Variants in FSTL5 observed in about 807,000 individuals in gnomAD.
FSTL5 encodes the protein follistatin like 5.
Under a neutral mutation model 89.1 loss-of-function variants are expected in FSTL5, and 62 were observed. The ratio of observed to expected loss-of-function variants is 0.70; its 90% confidence interval spans 0.57 to 0.86. The LOEUF is 0.86. Ranked by LOEUF, FSTL5 falls within the 40% of genes least tolerant of loss-of-function variation. FSTL5 has a pLI of 0.00. For synonymous variants in FSTL5, 383 were observed against 346.2 expected, an observed-to-expected ratio of 1.11 and a Z score of -1.18; for missense variants, 1,057 against 1,001.6, an observed-to-expected ratio of 1.06 and a Z score of -0.75.
intron 2 of FSTL5, among the ~76,000 whole-genome samples, chr4:162,075,065 C>T (rs1295614396): frequency 6.6e-6 from 1 of 151,740 alleles, no homozygotes; most frequent in African/African-American, 2.4e-5. Flanking sequence ...TATGCAGTAT[C>T]TGTGCCATAG....
At chr4:162,025,808 C>T (rs990848532) in intron 3 of FSTL5, among the ~76,000 whole-genome samples, 11 of 151,152 alleles carry the variant, frequency 7.3e-5, no homozygotes, top group Admixed American at 1.3e-4. Context: ...CAAAAAAATC[C>T]GTCTATCTAC....
intron 3 of FSTL5, among the ~76,000 whole-genome samples, chr4:161,924,295 A>C (rs1316849974): frequency 6.6e-6 from 1 of 151,244 alleles, no homozygotes; most frequent in African/African-American, 2.4e-5. Flanking sequence ...ATAAAGCAAA[A>C]TCATTCCCTA....
At chr4:162,049,407 C>T (rs1738308582) in intron 2 of FSTL5, among the ~76,000 whole-genome samples, 1 of 152,158 alleles carries the variant, frequency 6.6e-6, no homozygotes, top group Non-Finnish European at 1.5e-5. Context: ...TACTTGCTCA[C>T]GTATTCTTCC....
intron 2 of FSTL5, among the ~76,000 whole-genome samples, chr4:162,057,897 T>A (rs1009832770): frequency 5.9e-4 from 90 of 152,190 alleles, no homozygotes; most frequent in African/African-American, 2.1e-3. Context: ...TGAGCCGAGA[T>A]CACATCATTG....
At chr4:161,396,178 C>T (rs552440190) in intron 15 of FSTL5, among the ~76,000 whole-genome samples, 36 of 151,356 alleles carry the variant, frequency 2.4e-4, no homozygotes, top group Non-Finnish European at 4.4e-4. Flanking sequence ...TAGCTGAGCT[C>T]AGCCATCAAC....
chr4:161,455,810 T>G (rs954284575), intron 14 of FSTL5, among the ~76,000 whole-genome samples: 2 of 152,180 alleles, frequency 1.3e-5, no homozygotes, highest in Non-Finnish European at 2.9e-5. Context: ...TCATTGTTCC[T>G]ACTGCACAAC....
At chr4:161,923,933 T>G (rs888214607) in intron 3 of FSTL5, among the ~76,000 whole-genome samples, 2 of 151,778 alleles carry the variant, frequency 1.3e-5, no homozygotes, top group Non-Finnish European at 2.9e-5. Context: ...TCATATGCAA[T>G]CCAAAGAAAG....
intron 3 of FSTL5, among the ~76,000 whole-genome samples, chr4:162,024,634 A>T (rs1737212639): frequency 6.6e-6 from 1 of 151,962 alleles, no homozygotes; most frequent in Non-Finnish European, 1.5e-5. Context: ...TTTTTTTAAG[A>T]ATGTCAGATA....
intron 4 of FSTL5, among the ~76,000 whole-genome samples, chr4:161,781,060 A>G (rs1741648040): frequency 6.6e-6 from 1 of 152,132 alleles, no homozygotes; most frequent in African/African-American, 2.4e-5. Context: ...GTTTTTATTT[A>G]GAATAAATTC....
chr4:161,753,034 T>A (rs553150941), intron 6 of FSTL5, among the ~76,000 whole-genome samples: 48 of 152,172 alleles, frequency 3.2e-4, no homozygotes, highest in Non-Finnish European at 5.0e-4. Context: ...GCCACCTGTC[T>A]AACATATTTT....
chr4:162,004,803 C>T (rs1736568615), intron 3 of FSTL5, among the ~76,000 whole-genome samples: 1 of 152,104 alleles, frequency 6.6e-6, no homozygotes, highest in Non-Finnish European at 1.5e-5. Flanking sequence ...GTAATGATCA[C>T]TATGTAACTA....
At chr4:161,752,938 C>T (rs973446832) in intron 6 of FSTL5, among the ~76,000 whole-genome samples, 1 of 152,134 alleles carries the variant, frequency 6.6e-6, no homozygotes, top group Non-Finnish European at 1.5e-5. Context: ...AGGAAGACAG[C>T]CCTCACCAGA....
chr4:161,932,196 A>C (rs1489239042), intron 3 of FSTL5, among the ~76,000 whole-genome samples: 5 of 152,056 alleles, frequency 3.3e-5, no homozygotes, highest in Non-Finnish European at 7.4e-5. Flanking sequence ...TTAGTATATT[A>C]ATGTCACTTA....
At chr4:161,534,902 C>G (rs1731541923) in intron 10 of FSTL5, among the ~76,000 whole-genome samples, 1 of 151,892 alleles carries the variant, frequency 6.6e-6, no homozygotes, top group Admixed American at 6.6e-5. Flanking sequence ...GAAACAGACA[C>G]CCCAGAAATA....
At chr4:161,438,507 G>A (rs1732650586) in intron 15 of FSTL5, among the ~76,000 whole-genome samples, 2 of 151,792 alleles carry the variant, frequency 1.3e-5, no homozygotes, top group Non-Finnish European at 2.9e-5. Context: ...TCTTGCTGAT[G>A]ATTAAAAAAA....
At chr4:162,090,754 G>A (rs1027292314) in intron 2 of FSTL5, among the ~76,000 whole-genome samples, 1 of 151,886 alleles carries the variant, frequency 6.6e-6, no homozygotes, top group Non-Finnish European at 1.5e-5. Context: ...GGGAGGTGGA[G>A]GTTCCAGTGA....
At chr4:162,030,354 T>A (rs193053621) in intron 3 of FSTL5, among the ~76,000 whole-genome samples, 1 of 152,168 alleles carries the variant, frequency 6.6e-6, no homozygotes, top group African/African-American at 2.4e-5. Flanking sequence ...TGAAATCTAA[T>A]AGATACTTAT....
rs201897972 is a variant in FSTL5, at chr4:161,720,345, A to AT, written c.727+39065dup. Among the ~76,000 whole-genome samples the AT allele has an allele frequency of 6.4e-3, 973 of 152,094 alleles. 11 individuals are homozygous for AT. Among genetic ancestry groups the AT allele is most frequent in the African/African-American group, 0.022 (898 of 41,522 alleles). On this transcript the variant is annotated intron_variant, in intron 6 of 15. Coordinates refer to ENST00000306100, the MANE Select transcript of FSTL5 (RefSeq NM_020116.5). ...ACCTTATACCTGTTACGATAGCATT[A>AT]TTTTTTTTAAAAGATAATGAGTGTT...
intron 4 of FSTL5, among the ~76,000 whole-genome samples, chr4:161,818,328 T>C (rs896805615): frequency 1.6e-4 from 25 of 152,124 alleles, no homozygotes; most frequent in African/African-American, 5.6e-4. Context: ...CAATAAAACC[T>C]TGCACTCATT....
Sources: gnomAD v4.1 joint callset for allele counts (sites outside exome capture counted in the v4.1 genomes callset) on GRCh38, gnomAD v4.1.1 for gene constraint, MANE v1.5 for transcripts, NCBI Gene and HGNC (gene_info 2026-07-23, HGNC 2026-07-21) for gene names.